The following FBXW7 variants were observed in gnomAD, a reference collection of about 807,000 sequenced individuals.
FBXW7 encodes the protein F-box and WD repeat domain containing 7.
In FBXW7, 11 loss-of-function variants were observed where a neutral mutation model predicts 86.3. The observed-to-expected ratio is 0.13, with a 90% CI of 0.08 to 0.21. The LOEUF (loss-of-function observed/expected upper bound fraction) is 0.21. Among genes scored for constraint, FBXW7 ranks in the 10% least tolerant of loss-of-function variants. The pLI is 1.00. For synonymous variants in FBXW7, 313 were observed against 297.9 expected, an observed-to-expected ratio of 1.05 and a Z score of -0.52; for missense variants, 488 against 847.4, an observed-to-expected ratio of 0.58 and a Z score of 5.27.
Position 152,321,086 on chromosome 4 carries a change from A to G in FBXW7, c.*1795T>C. 5.4e-6 allele frequency: 1 copy of G among 184,504 alleles called. No individual in the cohort carries two copies. The highest frequency in any genetic ancestry group is 2.3e-5 in the African/African-American group (1 of 42,812). The allele number at this position is 184,504 out of a possible 1,614,324, so 11.4% of individuals were successfully genotyped here. On this transcript the variant is annotated 3_prime_UTR_variant, in exon 14 of 14. Coordinates refer to ENST00000281708, the MANE Select transcript of FBXW7 (RefSeq NM_001349798.2). Reference sequence around the variant, plus strand: ...AGTCTAGGAGAGAAATAAAATTTGCAGTTGCAGCACATTATCCTTACTTTC... The same window carrying G: ...AGTCTAGGAGAGAAATAAAATTTGCGGTTGCAGCACATTATCCTTACTTTC...
chr4:152,335,069 CG>C (rs1176058871), intron 7 of FBXW7, among the ~76,000 whole-genome samples: 11 of 152,104 alleles, frequency 7.2e-5, no homozygotes, highest in Non-Finnish European at 1.0e-4. Flanking sequence ...ATTCTTACTA[CG>C]TATTATGAGG....
intron 2 of FBXW7, among the ~76,000 whole-genome samples, chr4:152,516,474 A>C (rs1415609521): frequency 6.6e-6 from 1 of 152,152 alleles, no homozygotes; most frequent in Non-Finnish European, 1.5e-5. Context: ...TCCACGGAAA[A>C]ACTGTCTTCC....
chr4:152,403,984 C>T (rs1458587923), intron 4 of FBXW7, among the ~76,000 whole-genome samples: 1 of 152,220 alleles, frequency 6.6e-6, no homozygotes, highest in African/African-American at 2.4e-5. Context: ...AGAACGGATA[C>T]TACTATGCTA....
At chr4:152,347,521 T>C (rs1731388207) in intron 5 of FBXW7, among the ~76,000 whole-genome samples, 1 of 152,296 alleles carries the variant, frequency 6.6e-6, no homozygotes, top group East Asian at 1.9e-4. Flanking sequence ...TATGTTCAAA[T>C]GTTTTGAATT....
chr4:152,474,640 G>A (rs1407912195), intron 2 of FBXW7, among the ~76,000 whole-genome samples: 1 of 151,994 alleles, frequency 6.6e-6, no homozygotes, highest in Non-Finnish European at 1.5e-5. Context: ...CTATTATCTT[G>A]TATCTTTCAA....
At chr4:152,361,536 G>C (rs1278627193) in intron 4 of FBXW7, among the ~76,000 whole-genome samples, 2 of 152,136 alleles carry the variant, frequency 1.3e-5, no homozygotes, top group Non-Finnish European at 1.5e-5. Context: ...GCAGTGAACT[G>C]TAAGACTGAT....
intron 4 of FBXW7, among the ~76,000 whole-genome samples, chr4:152,355,994 A>C (rs1732345395): frequency 1.3e-5 from 2 of 152,208 alleles, no homozygotes; most frequent in African/African-American, 4.8e-5. Context: ...AATATACACA[A>C]ATGGTCTTAA....
intron 5 of FBXW7, among the ~76,000 whole-genome samples, chr4:152,347,839 C>T (rs1731416465): frequency 6.6e-6 from 1 of 151,908 alleles, no homozygotes; most frequent in Admixed American, 6.6e-5. Flanking sequence ...ACTAACTACC[C>T]TAAAAATGAC....
chr4:152,421,518 C>T (rs1451165851), intron 2 of FBXW7, among the ~76,000 whole-genome samples: 3 of 152,056 alleles, frequency 2.0e-5, no homozygotes, highest in Admixed American at 2.0e-4. Context: ...ATCAACATAG[C>T]GAGACCCTGT....
chr4:152,359,024 A>G (rs148763339), intron 4 of FBXW7, among the ~76,000 whole-genome samples: 1 of 152,326 alleles, frequency 6.6e-6, no homozygotes, highest in East Asian at 1.9e-4. Context: ...ATATTTTGCA[A>G]AAAGTATGTA....
rs768753889 is a variant in FBXW7 at position 152,411,343 on chromosome 4, A to C, written c.461T>G (p.Val154Gly). The change falls in exon 4 of 14, where the codon GTT becomes GGT. Residue 154 changes from valine to glycine, a missense_variant. Around this residue, in one of 4 missense-constraint regions of FBXW7, gnomAD observed 230 missense variants for 240.0 expected, o/e 0.96. Transcript: ENST00000281708. ...TNSSSIVDLP[V>G]HQLSSPFYTK... ...ATAGAATGGGGAGGAGAGTTGGTGA[A>C]CGGGCAGGTCCACAATACTACTGGA... The C allele has an allele frequency of 8.1e-6, 13 of 1,612,280 alleles. No individual in the cohort carries two copies. The highest frequency in any genetic ancestry group is 1.3e-5 in the African/African-American group (1 of 74,842).
chr4:152,371,543 G>A (rs985174719), intron 4 of FBXW7, among the ~76,000 whole-genome samples: 1 of 151,750 alleles, frequency 6.6e-6, no homozygotes. Flanking sequence ...TATCAAATCA[G>A]GTAAATTGTA....
chr4:152,462,041 C>T (rs1742996911), intron 2 of FBXW7, among the ~76,000 whole-genome samples: 1 of 152,132 alleles, frequency 6.6e-6, no homozygotes, highest in African/African-American at 2.4e-5. Context: ...TGTGTGTCTC[C>T]CTTATAGTAA....
At chr4:152,342,123 A>G (rs1730804140) in intron 6 of FBXW7, among the ~76,000 whole-genome samples, 1 of 152,210 alleles carries the variant, frequency 6.6e-6, no homozygotes, top group South Asian at 2.1e-4. Flanking sequence ...GAGAGGAAAA[A>G]CATTCCAGGT....
At chr4:152,515,758 T>C (rs1748428023) in intron 2 of FBXW7, among the ~76,000 whole-genome samples, 1 of 151,920 alleles carries the variant, frequency 6.6e-6, no homozygotes, top group South Asian at 2.1e-4. Flanking sequence ...ACTCTCTTTT[T>C]TTTTTTTTTT....
At chr4:152,501,005 C>A (rs1029858718) in intron 2 of FBXW7, among the ~76,000 whole-genome samples, 5 of 152,174 alleles carry the variant, frequency 3.3e-5, no homozygotes, top group Non-Finnish European at 7.3e-5. Context: ...ATTTGTGCCT[C>A]TAGAGGGCAG....
chr4:152,424,376 G>T (rs1739193177), intron 2 of FBXW7, among the ~76,000 whole-genome samples: 1 of 152,080 alleles, frequency 6.6e-6, no homozygotes, highest in South Asian at 2.1e-4. Context: ...TAAATAAAAT[G>T]GTTCGAATAT....
Position 152,376,421 on chromosome 4 carries a change from G to A in FBXW7, c.502-26297C>T, listed in dbSNP as rs375640486. Among the ~76,000 whole-genome samples the A allele has an allele frequency of 1.4e-3, 208 of 152,078 alleles. 1 individual carries two copies. Among genetic ancestry groups the A allele is most frequent in the African/African-American group, 4.7e-3 (195 of 41,504 alleles). On this transcript the variant is annotated intron_variant, in intron 4 of 13. Transcript: ENST00000281708. Reference sequence around the variant, plus strand: ...TTATTTTCTGAAACAAAAGCAATACGACTGTTTAATAAGCCTAGCAGACCT... The same window carrying A: ...TTATTTTCTGAAACAAAAGCAATACAACTGTTTAATAAGCCTAGCAGACCT...
chr4:152,327,353 A>C (rs1210550968), intron 11 of FBXW7, among the ~76,000 whole-genome samples: 1 of 151,980 alleles, frequency 6.6e-6, no homozygotes, highest in East Asian at 1.9e-4. Context: ...CTTAATAAAG[A>C]AGATGCGATA....
Sources: allele counts gnomAD v4.1 joint callset (sites outside exome capture counted in the v4.1 genomes callset), GRCh38; gene constraint gnomAD v4.1.1; regional missense constraint gnomAD v4.1.1; transcripts MANE v1.5; gene names NCBI Gene and HGNC (gene_info 2026-07-23, HGNC 2026-07-21).